Variants in UTP6 observed in about 807,000 individuals in gnomAD.
UTP6 encodes UTP6 small subunit processome component, also known as U3 small nucleolar RNA-associated protein 6 homolog.
Under a neutral mutation model 96.5 loss-of-function variants are expected in UTP6, and 60 were observed. That is an observed-to-expected ratio of 0.62 (90% confidence interval 0.51 to 0.77). UTP6 has a LOEUF of 0.77. UTP6 is among the 30% of genes least tolerant of loss of function. UTP6 has a pLI of 0.00. For missense variants in UTP6, 637 were observed against 706.5 expected (o/e 0.90, Z 1.12); for synonymous variants, 215 against 240.1 (o/e 0.90, Z 0.96).
At chr17:31,870,696 TG>T (rs1322287127) in intron 16 of UTP6, among the ~76,000 whole-genome samples, 5 of 151,804 alleles carry the variant, frequency 3.3e-5, no homozygotes, top group African/African-American at 1.2e-4. Flanking sequence ...TAATTTTTTT[TG>T]TATTTTTAGT....
intron 2 of UTP6, 22 bp downstream of exon 2, chr17:31,899,624 A>T (rs1439939576): frequency 7.1e-6 from 11 of 1,546,350 alleles, no homozygotes; most frequent in Non-Finnish European, 9.6e-6. Context: ...AAAAAGAAAG[A>T]AATTATTAAT....
rs571400228 is a variant in UTP6, at chr17:31,877,676, A to C, written c.1125+574T>G. Among the ~76,000 whole-genome samples the C allele has an allele frequency of 9.2e-5, 14 of 152,182 alleles. No homozygotes were observed. The South Asian group carries it at 1.2e-3, about 14-fold the overall frequency. On this transcript the variant is annotated intron_variant, in intron 13 of 18. Coordinates refer to ENST00000261708, the MANE Select transcript of UTP6 (RefSeq NM_018428.3). Reference sequence around the variant, plus strand: ...GTGAAACTCTGTCCCTACTAAAAATACAAAAATTTGGCCAGGCATGATGGC... The same window carrying C: ...GTGAAACTCTGTCCCTACTAAAAATCCAAAAATTTGGCCAGGCATGATGGC...
chr17:31,886,193 T>C, intron 8 of UTP6, 132 bp from the exon 9 acceptor site: 1 of 654,840 alleles, frequency 1.5e-6, no homozygotes, highest in East Asian at 2.8e-5. Flanking sequence ...TCCGGGCCAG[T>C]TCCCTCACTT....
At chr17:31,866,256 C>T (rs1207114238) in intron 17 of UTP6, among the ~76,000 whole-genome samples, 2 of 145,014 alleles carry the variant, frequency 1.4e-5, no homozygotes. Context: ...CACTACACTC[C>T]AGCCTGGGCG....
rs150542174 is a variant in UTP6, at chr17:31,875,256, G to A, written c.1283C>T (p.Ala428Val). The A allele has an allele frequency of 1.9e-6, 3 of 1,614,010 alleles. No homozygotes were observed. Among genetic ancestry groups the A allele is most frequent in the African/African-American group, 1.3e-5 (1 of 75,012 alleles). The part of the protein sequence containing the change: ...SPDIAMLFEE[A>V]FVHLKPQVCL... ...GACCTGGGGTTTCAGGTGCACAAAG[G>A]CTTCTTCAAAAAGCATGGCTATGTC... Residue 428 changes from alanine to valine, a missense_variant, in exon 14 of 19, where the codon GCC becomes GTC. Transcript: ENST00000261708.
chr17:31,901,673 C>T lies in UTP6; in HGVS notation c.-46G>A. On this transcript the variant is annotated 5_prime_UTR_variant, in exon 1 of 19. Coordinates refer to ENST00000261708, the MANE Select transcript of UTP6 (RefSeq NM_018428.3). ...CCGCGGGTAGCTTCTCAACAGCGAA[C>T]ACGAGCAGGAAGCTCCCGGTTTCAG... is the stretch of plus-strand genomic sequence containing the variant. 1 of 1,590,572 alleles carries T rather than the reference C, an allele frequency of 6.3e-7. No individual in the cohort carries two copies. Among genetic ancestry groups the T allele is most frequent in the Middle Eastern group, 1.7e-4 (1 of 6,006 alleles).
In UTP6 at chr17:31,892,331, A is replaced by C. The variant is rs933887914; in HGVS notation, c.361-8T>G. ...AAGTCGAGTTTTAGTAGCCTGTAAA[A>C]AAGGAAAATATTTCTACTTCCTGCA... On this transcript the variant is annotated splice_polypyrimidine_tract_variant and splice_region_variant and intron_variant, in intron 5 of 18. Coordinates refer to ENST00000261708, the MANE Select transcript of UTP6 (RefSeq NM_018428.3). 52 of 1,613,354 alleles carry C rather than the reference A, an allele frequency of 3.2e-5. No homozygotes were observed. Among genetic ancestry groups the C allele is most frequent in the Non-Finnish European group, 4.0e-5 (47 of 1,179,524 alleles).
chr17:31,888,668 C>A (rs1911291200), intron 7 of UTP6, among the ~76,000 whole-genome samples: 3 of 152,146 alleles, frequency 2.0e-5, no homozygotes, highest in Admixed American at 2.0e-4. Context: ...ACACTCCAGC[C>A]TGGGAAACAG....
chr17:31,893,566 C>T (rs538700083), intron 4 of UTP6, among the ~76,000 whole-genome samples: 1 of 150,320 alleles, frequency 6.7e-6, no homozygotes, highest in Non-Finnish European at 1.5e-5. Flanking sequence ...ACCCTGTCTA[C>T]TAAAAATACA....
intron 18 of UTP6, among the ~76,000 whole-genome samples, chr17:31,864,216 C>T (rs1047046026): frequency 6.6e-6 from 1 of 152,082 alleles, no homozygotes; most frequent in Non-Finnish European, 1.5e-5. Flanking sequence ...GAAACTCCAT[C>T]TCGACTGAAA....
chr17:31,885,787 C>T (rs1231990912), intron 9 of UTP6, among the ~76,000 whole-genome samples, 193 bp downstream of exon 9: 1 of 151,796 alleles, frequency 6.6e-6, no homozygotes, highest in African/African-American at 2.4e-5. Context: ...GACTCCATCT[C>T]AAAAAATAAA....
intron 4 of UTP6, among the ~76,000 whole-genome samples, chr17:31,893,295 A>G (rs938390302): frequency 2.0e-5 from 3 of 151,894 alleles, no homozygotes; most frequent in Non-Finnish European, 4.4e-5. Context: ...GTGTGGTGGT[A>G]TGTGCCTGTA....
Position 31,875,414 on chromosome 17 carries a change from C to G in UTP6, c.1126-1G>C. 6.2e-7 allele frequency: 1 copy of G among 1,612,608 alleles called. No individual in the cohort carries two copies. The highest frequency in any genetic ancestry group is 8.5e-7 in the Non-Finnish European group (1 of 1,178,968). On this transcript the variant is annotated splice_acceptor_variant, in intron 13 of 18. Transcript: ENST00000261708. LOFTEE classifies it high-confidence loss of function. Reference sequence around the variant, plus strand: ...AGTTATAACACAGCAACGAAACACTCTAGACAAGATGAAGGATGACTGGAA... The same window carrying G: ...AGTTATAACACAGCAACGAAACACTGTAGACAAGATGAAGGATGACTGGAA...
rs1904510892 is a variant in UTP6 at position 31,894,289 on chromosome 17, A to G, written c.312+356T>C. On this transcript the variant is annotated intron_variant, in intron 4 of 18. Coordinates refer to ENST00000261708, the MANE Select transcript of UTP6 (RefSeq NM_018428.3). ...ATCTCAAAAAAAAAAAAAAAAGAAA[A>G]AAAAAAAAATCAAGTTTCTGAGGTA... Among the ~76,000 whole-genome samples, 3 of 151,364 alleles carry G rather than the reference A, an allele frequency of 2.0e-5. No individual in the cohort carries two copies. In the South Asian group the frequency reaches 6.2e-4, roughly 31 times the overall value.
At chr17:31,873,573 C>G in intron 15 of UTP6, 86 bp from the exon 16 acceptor site, 1 of 1,601,906 alleles carries the variant, frequency 6.2e-7, no homozygotes, top group Non-Finnish European at 8.5e-7. Context: ...CCTGAGGCCA[C>G]TCCATAGTGC....
chr17:31,873,606 G>A (rs904557375), intron 15 of UTP6, 67 bp downstream of exon 15: 4 of 1,610,786 alleles, frequency 2.5e-6, no homozygotes, highest in East Asian at 2.2e-5. Flanking sequence ...TGCAACACTA[G>A]AGCTGACCAA....
chr17:31,889,789 C>T (rs535564172), intron 6 of UTP6, among the ~76,000 whole-genome samples: 1 of 152,058 alleles, frequency 6.6e-6, no homozygotes, highest in African/African-American at 2.4e-5. Flanking sequence ...TGAGCCACTG[C>T]GCCCGGCCCA....
At position 31,871,026 on chromosome 17, in the gene UTP6, G is replaced by T. The variant is rs541366527; in HGVS notation, c.1496+2352C>A. Among the ~76,000 whole-genome samples the T allele has an allele frequency of 2.5e-4, 32 of 127,730 alleles. No individual in the cohort carries two copies. In the South Asian group the frequency reaches 7.2e-3, roughly 29 times the overall value. The allele number at this position is 127,730 out of a possible 152,430, so 83.8% of individuals were successfully genotyped here. ...TTTTTTTGAGATGGAGTCTTGCTCT[G>T]TCGCCCAGGCTGGAATGCAGTGGCG... On this transcript the variant is annotated intron_variant, in intron 16 of 18. Transcript: ENST00000261708.
chr17:31,883,171 A>C (rs555855637), intron 10 of UTP6, among the ~76,000 whole-genome samples: 3 of 152,210 alleles, frequency 2.0e-5, no homozygotes, highest in African/African-American at 7.2e-5. Context: ...TCATCTCTAT[A>C]ATTAAAAACA....
Sources: gnomAD v4.1 joint callset for allele counts (sites outside exome capture counted in the v4.1 genomes callset) on GRCh38, gnomAD v4.1.1 for gene constraint, MANE v1.5 for transcripts, NCBI Gene and HGNC (gene_info 2026-07-23, HGNC 2026-07-21) for gene names.